Variants in CBLN2 observed in about 807,000 individuals in gnomAD.
The protein encoded by CBLN2 is cerebellin 2 precursor.
CBLN2 carries 7 observed loss-of-function variants against 15.0 expected under a neutral mutation model. That is an observed-to-expected ratio of 0.47 (90% CI 0.27 to 0.88). The LOEUF is 0.88. CBLN2 is among the 40% of genes least tolerant of loss of function. The probability of loss-of-function intolerance (pLI) is 0.14; values close to 1 mark genes in which losing one functional copy is unlikely to be tolerated. For missense variants in CBLN2, 242 were observed against 304.5 expected (o/e 0.79, Z 1.53); for synonymous variants, 149 against 135.2 (o/e 1.10, Z -0.71).
chr18:72,610,214 C>T (rs2069612964), intron 1 of CBLN2, among the ~76,000 whole-genome samples: 1 of 152,078 alleles, frequency 6.6e-6, no homozygotes, highest in African/African-American at 2.4e-5. Flanking sequence ...CACTCCTCTC[C>T]CCCATCTCTC....
At chr18:72,573,400 C>T (rs1189689778) in intron 1 of CBLN2, among the ~76,000 whole-genome samples, 3 of 152,072 alleles carry the variant, frequency 2.0e-5, no homozygotes, top group Non-Finnish European at 4.4e-5. Flanking sequence ...GTTCCATTTC[C>T]CTGTAAACCT....
At chr18:72,590,550 G>T (rs549801431) in intron 1 of CBLN2, among the ~76,000 whole-genome samples, 1 of 151,912 alleles carries the variant, frequency 6.6e-6, no homozygotes, top group African/African-American at 2.4e-5. Context: ...ATAATGACTG[G>T]GTTTTTCTTA....
At chr18:72,538,395 T>A (rs371855599) in intron 4 of CBLN2, 22 bp from the exon 5 acceptor site, 2 of 1,612,678 alleles carry the variant, frequency 1.2e-6, no homozygotes, top group Non-Finnish European at 1.7e-6. Flanking sequence ...AGAGTAGAGC[T>A]CAGCAGACCA....
intron 1 of CBLN2, chr18:72,619,092 A>G (rs1183930149): frequency 1.3e-6 from 1 of 747,860 alleles, no homozygotes; most frequent in African/African-American, 1.7e-5. Flanking sequence ...ACCCATGAAG[A>G]GAGTAAATTT....
chr18:72,629,044 G>C (rs1318763958), intron 1 of CBLN2, among the ~76,000 whole-genome samples: 1 of 152,108 alleles, frequency 6.6e-6, no homozygotes, highest in Non-Finnish European at 1.5e-5. Context: ...ATGCCTTGTA[G>C]ACCAAACAAA....
At chr18:72,574,117 T>A (rs1342942211) in intron 1 of CBLN2, among the ~76,000 whole-genome samples, 3 of 152,216 alleles carry the variant, frequency 2.0e-5, no homozygotes, top group African/African-American at 4.8e-5. Context: ...TTTTTGCTCA[T>A]TTTTTACTTG....
At chr18:72,614,820 C>A (rs2069645992) in intron 1 of CBLN2, among the ~76,000 whole-genome samples, 1 of 151,666 alleles carries the variant, frequency 6.6e-6, no homozygotes, top group East Asian at 1.9e-4. Flanking sequence ...ACTCACCAAG[C>A]TAATGAAATT....
chr18:72,621,816 A>T (rs2069702656), intron 1 of CBLN2, among the ~76,000 whole-genome samples: 2 of 152,204 alleles, frequency 1.3e-5, no homozygotes, highest in African/African-American at 2.4e-5. Flanking sequence ...CAATGGTATC[A>T]TTGCTTAAAT....
At chr18:72,565,109 A>C (rs1438605373) in intron 1 of CBLN2, among the ~76,000 whole-genome samples, 1 of 152,220 alleles carries the variant, frequency 6.6e-6, no homozygotes, top group Non-Finnish European at 1.5e-5. Flanking sequence ...TTCATCAGCA[A>C]AGATCAGCAT....
intron 1 of CBLN2, among the ~76,000 whole-genome samples, chr18:72,576,951 G>A (rs2069371363): frequency 6.8e-6 from 1 of 147,234 alleles, no homozygotes; most frequent in Non-Finnish European, 1.5e-5. Flanking sequence ...ATATAAATGT[G>A]ATGTATATAT....
At chr18:72,622,303 A>T (rs987941493) in intron 1 of CBLN2, among the ~76,000 whole-genome samples, 18 of 151,984 alleles carry the variant, frequency 1.2e-4, no homozygotes, top group African/African-American at 3.4e-4. Context: ...TGCAACCAAG[A>T]TCTTGCTTGG....
chr18:72,538,999 G>T, intron 3 of CBLN2: 1 of 488,588 alleles, frequency 2.0e-6, no homozygotes, highest in South Asian at 3.4e-5. Flanking sequence ...AACTAATCAA[G>T]ATTTCTAAAG....
chr18:72,630,250 A>T (rs2367991), intron 1 of CBLN2, among the ~76,000 whole-genome samples: 31,764 of 151,980 alleles, frequency 0.21, 4,649 homozygotes, highest in African/African-American at 0.42. Context: ...GGTGGACAGG[A>T]AGCTTAAGTG....
At position 72,543,694 on chromosome 18, in the gene CBLN2, C is replaced by T. The variant is rs2069135774; in HGVS notation, c.-211-164G>A. The T allele has an allele frequency of 5.7e-6, 2 of 349,174 alleles. No homozygotes were observed. The highest frequency in any genetic ancestry group is 1.0e-5 in the Non-Finnish European group (2 of 194,482). 21.6% of individuals were successfully genotyped at this position (349,174 alleles called of 1,614,324 possible). Reference sequence around the variant, plus strand: ...ACCACGCCCCGCGCGCCCGCTTAGGCGCCGCGCCCGGGACCGGGAACCCCG... The same window carrying T: ...ACCACGCCCCGCGCGCCCGCTTAGGTGCCGCGCCCGGGACCGGGAACCCCG... On this transcript the variant is annotated intron_variant, in intron 1 of 4. Coordinates refer to ENST00000269503, the MANE Select transcript of CBLN2 (RefSeq NM_182511.4). This position sits in a 1 kb window ranked among gnomAD's most constrained non-coding sequence, Gnocchi z 6.8.
intron 1 of CBLN2, among the ~76,000 whole-genome samples, chr18:72,567,675 C>T (rs912658927): frequency 2.6e-5 from 4 of 152,150 alleles, no homozygotes; most frequent in African/African-American, 9.7e-5. Flanking sequence ...TTCTCATCTT[C>T]CCTCTTTCCT....
At chr18:72,626,510 G>A (rs892901497) in intron 1 of CBLN2, among the ~76,000 whole-genome samples, 17 of 152,002 alleles carry the variant, frequency 1.1e-4, no homozygotes, top group African/African-American at 3.9e-4. Context: ...GACCAGCCTG[G>A]CCAACATGGT....
chr18:72,629,749 G>T (rs992094183), intron 1 of CBLN2, among the ~76,000 whole-genome samples: 1 of 151,946 alleles, frequency 6.6e-6, no homozygotes, highest in African/African-American at 2.4e-5. Flanking sequence ...TTTTCCTTAG[G>T]ATTACATAAA....
At chr18:72,563,540 T>G (rs1379408696) in intron 1 of CBLN2, among the ~76,000 whole-genome samples, 1 of 151,892 alleles carries the variant, frequency 6.6e-6, no homozygotes, top group Non-Finnish European at 1.5e-5. Flanking sequence ...AGCAAGGAAG[T>G]GGTAAAGATT....
chr18:72,611,383 C>G (rs537762090), intron 1 of CBLN2, among the ~76,000 whole-genome samples: 18 of 152,302 alleles, frequency 1.2e-4, no homozygotes, highest in African/African-American at 3.8e-4. Context: ...ATTCTCTTTT[C>G]TCTGCAGCCT....
Sources: allele counts gnomAD v4.1 joint callset (sites outside exome capture counted in the v4.1 genomes callset), GRCh38; gene constraint gnomAD v4.1.1; non-coding constraint Gnocchi (gnomAD v3.1); transcripts MANE v1.5; gene names NCBI Gene and HGNC (gene_info 2026-07-23, HGNC 2026-07-21).